The following GPM6A variants were observed in gnomAD, a reference collection of about 807,000 sequenced individuals.
GPM6A encodes the protein glycoprotein M6A.
A neutral mutation model predicts 32.1 loss-of-function variants in GPM6A; 7 were observed. That is an observed-to-expected ratio of 0.22 (90% CI 0.12 to 0.41). The LOEUF is 0.41. Among genes scored for constraint, GPM6A ranks in the 10% least tolerant of loss-of-function variants. GPM6A has a pLI of 1.00. For missense variants in GPM6A, 235 were observed against 347.2 expected (o/e 0.68, Z 2.57); for synonymous variants, 130 against 123.4 (o/e 1.05, Z -0.35).
chr4:175,894,236 A>T (rs956176884), intron 1 of GPM6A, among the ~76,000 whole-genome samples: 2 of 152,094 alleles, frequency 1.3e-5, no homozygotes, highest in Non-Finnish European at 2.9e-5. Context: ...TTCTTTGAAG[A>T]TACTTTTGCT....
Position 175,670,381 on chromosome 4 carries a change from T to C in GPM6A, c.387+3299A>G, listed in dbSNP as rs990978049. ...AAATTGGGGATGGGGGCAAAAAATATCTCAAGATTTGAAAATGTGACACAC... is the reference window on the plus strand; with the variant it reads ...AAATTGGGGATGGGGGCAAAAAATACCTCAAGATTTGAAAATGTGACACAC... On this transcript the variant is annotated intron_variant, in intron 3 of 6. Coordinates refer to ENST00000393658, the MANE Select transcript of GPM6A (RefSeq NM_201591.3). Among the ~76,000 whole-genome samples the C allele has an allele frequency of 2.0e-5, 3 of 152,266 alleles. No homozygotes were observed. In the East Asian group the frequency reaches 5.8e-4, roughly 29 times the overall value.
intron 1 of GPM6A, among the ~76,000 whole-genome samples, chr4:175,878,225 T>G (rs1737148330): frequency 6.6e-6 from 1 of 152,164 alleles, no homozygotes. Context: ...AAGCCGTCAG[T>G]GGATCTACCA....
chr4:175,746,834 T>C (rs1016024818), intron 1 of GPM6A, among the ~76,000 whole-genome samples: 2 of 152,178 alleles, frequency 1.3e-5, no homozygotes, highest in Admixed American at 1.3e-4. Context: ...ATCAATATAA[T>C]AACTGAACTG....
At chr4:175,957,358 A>T (rs1740020744) in intron 1 of GPM6A, among the ~76,000 whole-genome samples, 1 of 152,202 alleles carries the variant, frequency 6.6e-6, no homozygotes, top group Admixed American at 6.5e-5. Context: ...ATTATTTTAC[A>T]CTTTAATTGA....
intron 1 of GPM6A, among the ~76,000 whole-genome samples, chr4:175,780,617 T>G (rs1211894487): frequency 2.6e-5 from 4 of 152,238 alleles, no homozygotes; most frequent in Non-Finnish European, 5.9e-5. Context: ...CGCTTAATGA[T>G]TTCATGTGTC....
chr4:175,866,546 A>G (rs1255191624), intron 1 of GPM6A, among the ~76,000 whole-genome samples: 1 of 152,152 alleles, frequency 6.6e-6, no homozygotes, highest in Non-Finnish European at 1.5e-5. Flanking sequence ...GGCTTCTTAT[A>G]CATAATTATA....
At chr4:175,647,565 A>G (rs7679873) in intron 4 of GPM6A, among the ~76,000 whole-genome samples, 117,146 of 152,148 alleles carry the variant, frequency 0.77, 47,394 homozygotes, top group Non-Finnish European at 0.89. Flanking sequence ...AATGAACAGT[A>G]AGATGTATAC....
At chr4:175,947,757 T>A (rs565181585) in intron 1 of GPM6A, 1 of 152,290 alleles carries the variant, frequency 6.6e-6, no homozygotes, top group African/African-American at 2.4e-5. Flanking sequence ...AATTGCACAA[T>A]CAATATTACT....
chr4:175,907,029 T>G (rs1169843243), intron 1 of GPM6A: 1 of 152,090 alleles, frequency 6.6e-6, no homozygotes, highest in African/African-American at 2.4e-5. Flanking sequence ...TTAAAACTCA[T>G]AAGTACAACT....
intron 1 of GPM6A, among the ~76,000 whole-genome samples, chr4:175,944,354 G>A (rs748645888): frequency 3.3e-5 from 5 of 152,148 alleles, no homozygotes; most frequent in Non-Finnish European, 5.9e-5. Context: ...CTATGGTAAC[G>A]AGAGCAGGAA....
At position 175,730,471 on chromosome 4, in the gene GPM6A, C is replaced by CT. The variant is rs68186591; in HGVS notation, c.38-28705dup. Among the ~76,000 whole-genome samples, 190 of 133,114 alleles carry CT rather than the reference C, an allele frequency of 1.4e-3. 2 individuals are homozygous for CT. Among genetic ancestry groups the CT allele is most frequent in the East Asian group, 5.8e-3 (26 of 4,476 alleles). 87.3% of individuals were successfully genotyped at this position (133,114 alleles called of 152,430 possible). A position where few individuals can be genotyped will look rare whatever the true frequency, so the allele number is the denominator to read the frequency against. ...TTGGCCAGGATGGTCTCGATCTCTT[C>CT]TTTTTTTTTTTCTTTTTGAGAGGGA... On this transcript the variant is annotated intron_variant, in intron 1 of 6. Transcript: ENST00000393658.
At chr4:175,684,132 C>T (rs570133856) in intron 2 of GPM6A, among the ~76,000 whole-genome samples, 2 of 152,170 alleles carry the variant, frequency 1.3e-5, no homozygotes, top group African/African-American at 2.4e-5. Flanking sequence ...CCCGGCCTTA[C>T]ATTTTTTAAT....
intron 1 of GPM6A, among the ~76,000 whole-genome samples, chr4:175,980,580 G>C (rs958460387): frequency 1.3e-5 from 2 of 152,058 alleles, no homozygotes; most frequent in African/African-American, 4.8e-5. Context: ...AAATAAACTG[G>C]GGTTCTTAAA....
intron 1 of GPM6A, among the ~76,000 whole-genome samples, chr4:175,905,965 T>C (rs1738119647): frequency 6.6e-6 from 1 of 152,170 alleles, no homozygotes; most frequent in African/African-American, 2.4e-5. Context: ...TATCTTTGCT[T>C]ACCAGAAGCA....
At chr4:175,860,891 A>C (rs1017894819) in intron 1 of GPM6A, among the ~76,000 whole-genome samples, 3 of 152,166 alleles carry the variant, frequency 2.0e-5, no homozygotes, top group African/African-American at 4.8e-5. Flanking sequence ...GCTACTCTTT[A>C]TGTGTAAAGC....
At chr4:175,711,451 TATATATAC>T (rs1327240193) in intron 1 of GPM6A, among the ~76,000 whole-genome samples, 3,554 of 41,316 alleles carry the variant, frequency 0.086, 473 homozygotes, top group East Asian at 0.18. Flanking sequence ...TATATATATA[TATATATAC>T]ACACACATAC....
chr4:175,671,477 G>GAAA lies in GPM6A; in HGVS notation c.387+2200_387+2202dup, dbSNP rs544889132. 8.6e-4 allele frequency among the ~76,000 whole-genome samples: 21 copies of GAAA among 24,408 alleles called. 3 individuals are homozygous for GAAA. The East Asian group carries it at 0.01, about 12-fold the overall frequency. The allele number at this position is 24,408 out of a possible 152,430, so 16.0% of individuals were successfully genotyped here. ...CGTAAGATACAATCTGCCTACAAAC[G>GAAA]AAAAAAAAAAAAAAAAAAAAAAAAA... On this transcript the variant is annotated intron_variant, in intron 3 of 6. Coordinates refer to ENST00000393658, the MANE Select transcript of GPM6A (RefSeq NM_201591.3).
chr4:175,637,281 T>A (rs28817009), intron 6 of GPM6A, among the ~76,000 whole-genome samples: 4 of 56,006 alleles, frequency 7.1e-5, no homozygotes, highest in Non-Finnish European at 1.0e-4. Context: ...ATATTATATA[T>A]TATATAAAAT....
chr4:175,826,573 C>T (rs1239179099), intron 1 of GPM6A, among the ~76,000 whole-genome samples: 2 of 152,054 alleles, frequency 1.3e-5, no homozygotes, highest in Admixed American at 1.3e-4. Flanking sequence ...GAACGGAAAA[C>T]TGGGGTGGTA....
Sources: allele counts gnomAD v4.1 joint callset (sites outside exome capture counted in the v4.1 genomes callset), GRCh38; gene constraint gnomAD v4.1.1; transcripts MANE v1.5; gene names NCBI Gene and HGNC (gene_info 2026-07-23, HGNC 2026-07-21).